RBFOX1: variants seen among roughly 807,000 people sequenced by gnomAD.
RBFOX1 encodes RNA binding protein fox-1 homolog 1.
RBFOX1 carries 8 observed loss-of-function variants against 57.7 expected under a neutral mutation model. The ratio of observed to expected loss-of-function variants is 0.14; its 90% confidence interval spans 0.08 to 0.25. RBFOX1 has a LOEUF of 0.25. Ranked by LOEUF, RBFOX1 falls within the 10% of genes least tolerant of loss-of-function variation. RBFOX1 has a pLI of 1.00. For synonymous variants in RBFOX1, 326 were observed against 222.4 expected (o/e 1.47, Z -4.15); for missense variants, 611 against 548.5 (o/e 1.11, Z -1.14).
chr16:7,378,716 A>C (rs1240744345), intron 4 of RBFOX1, among the ~76,000 whole-genome samples: 1 of 152,120 alleles, frequency 6.6e-6, no homozygotes, highest in African/African-American at 2.4e-5. Context: ...GCATCCGCCA[A>C]ACCCTGGTGA....
chr16:7,561,866 G>C (rs2090448845), intron 5 of RBFOX1, among the ~76,000 whole-genome samples: 1 of 152,254 alleles, frequency 6.6e-6, no homozygotes, highest in South Asian at 2.1e-4. Context: ...TTTAAATCTT[G>C]CATAATATAT....
intron 2 of RBFOX1, among the ~76,000 whole-genome samples, chr16:5,576,893 G>A (rs2046474299): frequency 6.6e-6 from 1 of 152,226 alleles, no homozygotes; most frequent in South Asian, 2.1e-4. Flanking sequence ...GGATGCTGAG[G>A]AGTTATTAAG....
At chr16:7,192,454 A>T (rs543888814) in intron 4 of RBFOX1, among the ~76,000 whole-genome samples, 1 of 152,342 alleles carries the variant, frequency 6.6e-6, no homozygotes, top group Non-Finnish European at 1.5e-5. Context: ...AATGGAGATT[A>T]TAATACGTGG....
chr16:6,825,631 G>C (rs1437435883), intron 3 of RBFOX1, among the ~76,000 whole-genome samples: 11 of 152,072 alleles, frequency 7.2e-5, no homozygotes, highest in Non-Finnish European at 7.4e-5. Context: ...CCTGGGAGTG[G>C]GTATTTATTC....
chr16:6,644,681 A>G (rs995712979), intron 2 of RBFOX1, among the ~76,000 whole-genome samples: 1 of 152,202 alleles, frequency 6.6e-6, no homozygotes, highest in South Asian at 2.1e-4. Context: ...TTGCTCTTCC[A>G]GAGTGAATGA....
At chr16:7,418,355 G>C (rs949315780) in intron 4 of RBFOX1, among the ~76,000 whole-genome samples, 1 of 152,182 alleles carries the variant, frequency 6.6e-6, no homozygotes, top group Admixed American at 6.5e-5. Context: ...AGCATCTCCT[G>C]GTGTCTTGTG....
chr16:7,663,364 T>C (rs2068281103), intron 12 of RBFOX1, among the ~76,000 whole-genome samples: 1 of 152,156 alleles, frequency 6.6e-6, no homozygotes, highest in South Asian at 2.1e-4. Context: ...ACCAACCTCC[T>C]TAGTGTGTGA....
rs188115508 is a variant in RBFOX1, at chr16:6,094,084, T to C, written c.-127+74092T>C. ...GACATGACTTGTCCCAGTTTTGCCA[T>C]TGAAAAGACCCCAAATGTGCATGAG... On this transcript the variant is annotated intron_variant, in intron 1 of 15. Coordinates refer to ENST00000550418, the MANE Select transcript of RBFOX1 (RefSeq NM_018723.4). Among the ~76,000 whole-genome samples the C allele has an allele frequency of 1.8e-4, 28 of 152,292 alleles. No homozygotes were observed. In the East Asian group the frequency reaches 5.0e-3, roughly 27 times the overall value.
intron 4 of RBFOX1, among the ~76,000 whole-genome samples, chr16:7,400,379 A>C (rs1332665368): frequency 6.6e-6 from 1 of 152,186 alleles, no homozygotes; most frequent in East Asian, 1.9e-4. Context: ...CAACCTCAGC[A>C]CAGGGGCTAG....
chr16:6,397,533 A>T (rs989973195), intron 2 of RBFOX1, among the ~76,000 whole-genome samples: 2 of 152,222 alleles, frequency 1.3e-5, no homozygotes, highest in African/African-American at 4.8e-5. Flanking sequence ...TACTATAAGA[A>T]CTGTAGCTTT....
intron 3 of RBFOX1, among the ~76,000 whole-genome samples, chr16:5,660,816 G>A (rs1420391639): frequency 6.6e-5 from 10 of 152,174 alleles, no homozygotes; most frequent in African/African-American, 2.4e-4. Flanking sequence ...AGGGCGAAGA[G>A]TAGACAGGAA....
At chr16:6,949,943 G>T (rs9938078) in intron 3 of RBFOX1, among the ~76,000 whole-genome samples, 97,007 of 149,222 alleles carry the variant, frequency 0.65, 32,387 homozygotes, top group African/African-American at 0.83. Flanking sequence ...ACGTTTTTTT[G>T]TTGTTGTTGT....
At chr16:7,333,021 T>C in intron 4 of RBFOX1, 1 of 1,613,628 alleles carries the variant, frequency 6.2e-7, no homozygotes, top group Non-Finnish European at 8.5e-7. Context: ...TCTCAAGGAG[T>C]TCTCCTGCAT....
At chr16:7,036,080 C>T (rs983816157) in intron 3 of RBFOX1, among the ~76,000 whole-genome samples, 1 of 152,250 alleles carries the variant, frequency 6.6e-6, no homozygotes, top group African/African-American at 2.4e-5. Context: ...GTGTAAAGAT[C>T]TCTTCAGATG....
chr16:5,670,402 A>G (rs1179979700), intron 3 of RBFOX1, among the ~76,000 whole-genome samples: 1 of 152,204 alleles, frequency 6.6e-6, no homozygotes, highest in Non-Finnish European at 1.5e-5. Context: ...TGAGTGGGCA[A>G]AATTATTCTG....
At chr16:6,991,050 C>A (rs1266949226) in intron 3 of RBFOX1, among the ~76,000 whole-genome samples, 1 of 147,698 alleles carries the variant, frequency 6.8e-6, no homozygotes. Flanking sequence ...ACCTGTAATT[C>A]CAGTACGTTG....
intron 3 of RBFOX1, among the ~76,000 whole-genome samples, chr16:5,826,076 A>G (rs868765920): frequency 6.8e-6 from 1 of 147,378 alleles, no homozygotes; most frequent in Admixed American, 6.8e-5. Flanking sequence ...TGAATAAGGA[A>G]TAATATTCCT....
At chr16:6,454,780 C>G (rs1426064045) in intron 2 of RBFOX1, among the ~76,000 whole-genome samples, 1 of 151,518 alleles carries the variant, frequency 6.6e-6, no homozygotes, top group Non-Finnish European at 1.5e-5. Context: ...TCTTCTCTCC[C>G]CCTCCCTCCC....
rs569450582 is a variant in RBFOX1 at position 5,808,827 on chromosome 16, A to G, written c.319-58476A>G. Reference sequence around the variant, plus strand: ...GCTTAAGGAGATTTTGGGCTGAGACAATGGGGTTTTCTAGATATACAATCA... The same window carrying G: ...GCTTAAGGAGATTTTGGGCTGAGACGATGGGGTTTTCTAGATATACAATCA... On this transcript the variant is annotated intron_variant, in intron 3 of 19. Transcript: ENST00000641259. 2.9e-3 allele frequency among the ~76,000 whole-genome samples: 439 copies of G among 152,256 alleles called. 1 individual carries two copies. The highest frequency in any genetic ancestry group is 9.7e-3 in the African/African-American group (404 of 41,538).
Sources: allele counts gnomAD v4.1 joint callset (sites outside exome capture counted in the v4.1 genomes callset), GRCh38; gene constraint gnomAD v4.1.1; transcripts MANE v1.5; gene names NCBI Gene and HGNC (gene_info 2026-07-23, HGNC 2026-07-21).